Variants in KIRREL3 observed in about 807,000 individuals in gnomAD.
KIRREL3 encodes kirre like nephrin family adhesion molecule 3, also known as kin of IRRE-like protein 3.
In KIRREL3, 36 loss-of-function variants were observed where a neutral mutation model predicts 89.7. The ratio of observed to expected loss-of-function variants is 0.40; its 90% confidence interval spans 0.31 to 0.53. The LOEUF (loss-of-function observed/expected upper bound fraction) is 0.53. Ranked by LOEUF, KIRREL3 falls within the 20% of genes least tolerant of loss-of-function variation. The pLI, the probability that KIRREL3 is intolerant of heterozygous loss-of-function variation, is 0.49. For missense variants in KIRREL3, 864 were observed against 1,056.6 expected (o/e 0.82, Z 2.53); for synonymous variants, 445 against 441.4 (o/e 1.01, Z -0.10).
At chr11:126,899,801 T>C (rs886334559) in intron 1 of KIRREL3, among the ~76,000 whole-genome samples, 3 of 152,244 alleles carry the variant, frequency 2.0e-5, no homozygotes, top group African/African-American at 7.2e-5. Flanking sequence ...GGGTACACCA[T>C]GTAGTTTACA....
At position 126,705,933 on chromosome 11, in the gene KIRREL3, G is replaced by A. The variant is rs893350902; in HGVS notation, c.56-143021C>T. 2.6e-5 allele frequency among the ~76,000 whole-genome samples: 4 copies of A among 152,146 alleles called. No individual in the cohort carries two copies. The highest frequency in any genetic ancestry group is 9.7e-5 in the African/African-American group (4 of 41,434). On this transcript the variant is annotated intron_variant, in intron 1 of 16. Coordinates refer to ENST00000525144, the MANE Select transcript of KIRREL3 (RefSeq NM_032531.4). The surrounding 1 kb of genome is among the most constrained non-coding windows in gnomAD (Gnocchi z 4.3). ...TTAGAATGCTCCTTTTCAGAATCTGGCCCCTGTGCTGTGAGAAGCCTACCC... is the reference window on the plus strand; with the variant it reads ...TTAGAATGCTCCTTTTCAGAATCTGACCCCTGTGCTGTGAGAAGCCTACCC...
chr11:127,002,110 G>A (rs78389301), upstream of KIRREL3, among the ~76,000 whole-genome samples: 12,785 of 152,198 alleles, frequency 0.084, 628 homozygotes, highest in Middle Eastern at 0.12. Context: ...TTTCCATGCG[G>A]ATGTTAACTT....
Position 126,465,060 on chromosome 11 carries a change from G to A in KIRREL3, c.592-1753C>T, listed in dbSNP as rs1956676821. Among the ~76,000 whole-genome samples the A allele has an allele frequency of 2.0e-5, 3 of 152,156 alleles. No individual in the cohort carries two copies. The South Asian group carries it at 6.2e-4, about 32-fold the overall frequency. On this transcript the variant is annotated intron_variant, in intron 5 of 16. Transcript: ENST00000525144. Reference sequence around the variant, plus strand: ...CGCACTAAGTCAGGTGCACCCCGGGGAGGGTGTGCTGAGTGTGTGTGGGGG... The same window carrying A: ...CGCACTAAGTCAGGTGCACCCCGGGAAGGGTGTGCTGAGTGTGTGTGGGGG...
chr11:126,811,023 C>T lies in KIRREL3; in HGVS notation c.55+189432G>A, dbSNP rs185537574. ...CCGGTCTGACAAACCCCATCTGCTTCGTTCTCTTGGCCACCCAAGCTGTCT... is the reference window on the plus strand; with the variant it reads ...CCGGTCTGACAAACCCCATCTGCTTTGTTCTCTTGGCCACCCAAGCTGTCT... On this transcript the variant is annotated intron_variant, in intron 1 of 16. Transcript: ENST00000525144. The surrounding 1 kb of genome is among the most constrained non-coding windows in gnomAD (Gnocchi z 4.3). Among the ~76,000 whole-genome samples, 3 of 152,278 alleles carry T rather than the reference C, an allele frequency of 2.0e-5. No individual in the cohort carries two copies. The East Asian group carries it at 5.8e-4, about 29-fold the overall frequency.
rs111841233 is a variant in KIRREL3 at position 126,997,965 on chromosome 11, G to C, written c.55+2490C>G. ...GAGGCATCCCAGCATGCAGGAGGCA[G>C]GGGTCAAGCAGGTGGCTGTGTGAGG... On this transcript the variant is annotated intron_variant, in intron 1 of 16. Coordinates refer to ENST00000525144, the MANE Select transcript of KIRREL3 (RefSeq NM_032531.4). The surrounding 1 kb of genome is among the most constrained non-coding windows in gnomAD (Gnocchi z 4.3). Among the ~76,000 whole-genome samples the C allele has an allele frequency of 5.3e-5, 8 of 152,306 alleles. No individual in the cohort carries two copies. The highest frequency in any genetic ancestry group is 1.9e-4 in the African/African-American group (8 of 41,560).
chr11:126,966,492 C>A (rs1430141761), intron 1 of KIRREL3, among the ~76,000 whole-genome samples: 1 of 152,134 alleles, frequency 6.6e-6, no homozygotes, highest in Non-Finnish European at 1.5e-5. Flanking sequence ...ATCATGGTAT[C>A]CTCCTAAACT....
rs1940312589 is a variant in KIRREL3, at chr11:126,563,840, G to A, written c.56-928C>T. ...TCTTAATCACTTTATGGATCCTGAAGCAATAGCACACTAATTTTTTTGACC... is the reference window on the plus strand; with the variant it reads ...TCTTAATCACTTTATGGATCCTGAAACAATAGCACACTAATTTTTTTGACC... On this transcript the variant is annotated intron_variant, in intron 1 of 16. Transcript: ENST00000525144. The surrounding 1 kb of genome is among the most constrained non-coding windows in gnomAD (Gnocchi z 6.8). Among the ~76,000 whole-genome samples the A allele has an allele frequency of 6.6e-6, 1 of 152,114 alleles. No individual in the cohort carries two copies. The highest frequency in any genetic ancestry group is 6.6e-5 in the Admixed American group (1 of 15,266).
At position 126,605,207 on chromosome 11, in the gene KIRREL3, C is replaced by T. The variant is rs138509635; in HGVS notation, c.56-42295G>A. Among the ~76,000 whole-genome samples the T allele has an allele frequency of 2.0e-3, 297 of 152,222 alleles. No homozygotes were observed. Among genetic ancestry groups the T allele is most frequent in the African/African-American group, 6.9e-3 (288 of 41,528 alleles). ...CCCATGGATAACTATATCTAGGGACCGACTCCTGGGATCTTACCAAGTCAC... is the reference window on the plus strand; with the variant it reads ...CCCATGGATAACTATATCTAGGGACTGACTCCTGGGATCTTACCAAGTCAC... On this transcript the variant is annotated intron_variant, in intron 1 of 16. Transcript: ENST00000525144. The surrounding 1 kb of genome is among the most constrained non-coding windows in gnomAD (Gnocchi z 5.7).
At position 126,747,603 on chromosome 11, in the gene KIRREL3, T is replaced by G. The variant is rs1949195312; in HGVS notation, c.56-184691A>C. ...TCACAGAAAAGGCACTGTATATCCC[T>G]CTTTCGTGGTATTAGGAACCTGGTA... On this transcript the variant is annotated intron_variant, in intron 1 of 16. Transcript: ENST00000525144. This position sits in a 1 kb window ranked among gnomAD's most constrained non-coding sequence, Gnocchi z 4.7. Among the ~76,000 whole-genome samples, 1 of 152,114 alleles carries G rather than the reference T, an allele frequency of 6.6e-6. No homozygotes were observed. Among genetic ancestry groups the G allele is most frequent in the South Asian group, 2.1e-4 (1 of 4,806 alleles).
intron 1 of KIRREL3, among the ~76,000 whole-genome samples, chr11:126,700,199 A>T (rs1565660402): frequency 6.6e-6 from 1 of 152,082 alleles, no homozygotes; most frequent in African/African-American, 2.4e-5. Flanking sequence ...GTCACAAAAA[A>T]AAAAAAAAGA....
intron 1 of KIRREL3, among the ~76,000 whole-genome samples, chr11:126,859,861 T>C (rs1944651099): frequency 6.6e-6 from 1 of 152,164 alleles, no homozygotes; most frequent in Non-Finnish European, 1.5e-5. Context: ...AGTCTTGCTA[T>C]TTCTGTTTTT....
chr11:126,549,761 T>C (rs35630456), intron 2 of KIRREL3: 28,389 of 152,002 alleles, frequency 0.19, 3,091 homozygotes, highest in African/African-American at 0.29. Context: ...AGTCACTGGG[T>C]CCCCTCGTCA....
intron 1 of KIRREL3, among the ~76,000 whole-genome samples, chr11:126,907,213 A>C (rs976086045): frequency 2.0e-5 from 3 of 152,214 alleles, no homozygotes; most frequent in African/African-American, 7.2e-5. Flanking sequence ...TGATTGGATA[A>C]GGTGAGTGAA....
chr11:126,983,824 C>A lies in KIRREL3; in HGVS notation c.55+16631G>T, dbSNP rs764038202. 1.6e-4 allele frequency among the ~76,000 whole-genome samples: 25 copies of A among 152,168 alleles called. No individual in the cohort carries two copies. Among genetic ancestry groups the A allele is most frequent in the Non-Finnish European group, 2.8e-4 (19 of 68,034 alleles). On this transcript the variant is annotated intron_variant, in intron 1 of 16. Coordinates refer to ENST00000525144, the MANE Select transcript of KIRREL3 (RefSeq NM_032531.4). This position sits in a 1 kb window ranked among gnomAD's most constrained non-coding sequence, Gnocchi z 4.9. ...GTCTGTGGTAACATGTTAACAGCAG[C>A]ACTGGGAAACAAATACACTCCATAC...
chr11:126,717,362 A>C (rs1948005310), intron 1 of KIRREL3, among the ~76,000 whole-genome samples: 1 of 152,236 alleles, frequency 6.6e-6, no homozygotes, highest in Non-Finnish European at 1.5e-5. Flanking sequence ...GTACTTTGAC[A>C]GTGGTCACTG....
rs35459047 is a variant in KIRREL3 at position 126,843,545 on chromosome 11, C to T, written c.55+156910G>A. On this transcript the variant is annotated intron_variant, in intron 1 of 16. Coordinates refer to ENST00000525144, the MANE Select transcript of KIRREL3 (RefSeq NM_032531.4). The surrounding 1 kb of genome is among the most constrained non-coding windows in gnomAD (Gnocchi z 4.6). ...GCTATGCAATCAAACCAAAGCATGC[C>T]TAAGCGATAACTGGAGTCCCGACGG... Among the ~76,000 whole-genome samples, 1 of 152,154 alleles carries T rather than the reference C, an allele frequency of 6.6e-6. No homozygotes were observed. The highest frequency in any genetic ancestry group is 1.5e-5 in the Non-Finnish European group (1 of 68,018).
At chr11:126,881,558 T>A (rs183854733) in intron 1 of KIRREL3, among the ~76,000 whole-genome samples, 1 of 152,300 alleles carries the variant, frequency 6.6e-6, no homozygotes, top group South Asian at 2.1e-4. Context: ...ATCATTTTAA[T>A]ATTTTTTGAG....
chr11:126,895,300 T>C (rs1457413709), intron 1 of KIRREL3, among the ~76,000 whole-genome samples: 1 of 151,534 alleles, frequency 6.6e-6, no homozygotes, highest in Non-Finnish European at 1.5e-5. Context: ...CCGTCTCTAC[T>C]AAAAATACAA....
At chr11:126,998,560 C>A (rs1311047602) in intron 1 of KIRREL3, among the ~76,000 whole-genome samples, 1 of 152,156 alleles carries the variant, frequency 6.6e-6, no homozygotes, top group Non-Finnish European at 1.5e-5. Flanking sequence ...GCTCTCAGGA[C>A]TCGGGGTAGA....
Sources: gnomAD v4.1 joint callset for allele counts (sites outside exome capture counted in the v4.1 genomes callset) on GRCh38, gnomAD v4.1.1 for gene constraint, Gnocchi (gnomAD v3.1) non-coding constraint, MANE v1.5 for transcripts, NCBI Gene and HGNC (gene_info 2026-07-23, HGNC 2026-07-21) for gene names.